SLC13A3: variants seen among roughly 807,000 people sequenced by gnomAD.
SLC13A3 encodes solute carrier family 13 member 3.
SLC13A3 carries 40 observed loss-of-function variants against 59.0 expected under a neutral mutation model. That is an observed-to-expected ratio of 0.68 (90% CI 0.53 to 0.88). The LOEUF (loss-of-function observed/expected upper bound fraction) is 0.88, where lower values mean the gene tolerates loss of function less well. Among genes scored for constraint, SLC13A3 ranks in the 40% least tolerant of loss-of-function variants. The pLI is 0.00. For missense variants in SLC13A3, 699 were observed against 783.2 expected, an observed-to-expected ratio of 0.89 and a Z score of 1.28; for synonymous variants, 317 against 330.3, an observed-to-expected ratio of 0.96 and a Z score of 0.44.
chr20:46,608,739 A>T, intron 3 of SLC13A3: 3 of 999,002 alleles, frequency 3.0e-6, no homozygotes, highest in Non-Finnish European at 4.2e-6. Flanking sequence ...TATTTAATTT[A>T]ATTCATATTT....
At position 46,651,452 on chromosome 20, in the gene SLC13A3, C is replaced by G; in HGVS notation, c.-31G>C. 7.1e-7 allele frequency: 1 copy of G among 1,402,916 alleles called. No homozygotes were observed. The highest frequency in any genetic ancestry group is 1.5e-5 in the African/African-American group (1 of 66,160). 86.9% of individuals were successfully genotyped at this position (1,402,916 alleles called of 1,614,324 possible). A position where few individuals can be genotyped will look rare whatever the true frequency, so the allele number is the denominator to read the frequency against. On this transcript the variant is annotated 5_prime_UTR_variant, in exon 1 of 13. Transcript: ENST00000279027. ...CGATCGCCTGGCGGTACGGGCCGGC[C>G]CGGGACTGCCCCGCCTGGCCCCGGC...
intron 1 of SLC13A3, among the ~76,000 whole-genome samples, chr20:46,661,252 G>C (rs2063027879): frequency 6.6e-6 from 1 of 152,066 alleles, no homozygotes; most frequent in Admixed American, 6.6e-5. Flanking sequence ...CTCCAGAAGG[G>C]GGTACTCCCC....
intron 1 of SLC13A3, among the ~76,000 whole-genome samples, chr20:46,678,886 C>CT (rs1271159673): frequency 2.0e-5 from 3 of 152,172 alleles, no homozygotes; most frequent in Non-Finnish European, 4.4e-5. Context: ...GTGGTAATCT[C>CT]TGAGTGAGCC....
chr20:46,611,343 C>T (rs1258090935), intron 2 of SLC13A3, among the ~76,000 whole-genome samples: 1 of 152,136 alleles, frequency 6.6e-6, no homozygotes, highest in Non-Finnish European at 1.5e-5. Context: ...ACTCATTATT[C>T]AAAGTCAAGC....
chr20:46,634,915 C>T (rs1383135263), intron 1 of SLC13A3, among the ~76,000 whole-genome samples: 2 of 152,196 alleles, frequency 1.3e-5, no homozygotes, highest in African/African-American at 4.8e-5. Context: ...CTCAGGCCCC[C>T]TCTATGTCCC....
At chr20:46,612,123 G>GTT (rs1568936280) in intron 2 of SLC13A3, among the ~76,000 whole-genome samples, 1 of 68,890 alleles carries the variant, frequency 1.5e-5, no homozygotes, top group Non-Finnish European at 2.7e-5. Flanking sequence ...CTCTCTCTTT[G>GTT]CTTTTTTTTT....
intron 1 of SLC13A3, among the ~76,000 whole-genome samples, chr20:46,633,455 C>A (rs542803986): frequency 6.6e-6 from 1 of 152,334 alleles, no homozygotes; most frequent in East Asian, 1.9e-4. Context: ...CTGTCTCCAT[C>A]CGTAATTTCG....
At chr20:46,594,685 A>C (rs1276526290) in intron 5 of SLC13A3, among the ~76,000 whole-genome samples, 7 of 152,112 alleles carry the variant, frequency 4.6e-5, no homozygotes, top group African/African-American at 1.7e-4. Flanking sequence ...TAAGGTTTGC[A>C]GTAAAACTCA....
chr20:46,560,083 T>G lies in SLC13A3; in HGVS notation c.1748A>C (p.Tyr583Ser), dbSNP rs201204730. 30 of 1,613,844 alleles carry G rather than the reference T, an allele frequency of 1.9e-5. No homozygotes were observed. In the South Asian group the frequency reaches 3.1e-4, roughly 17 times the overall value. ...TGGCAATGCTGTGACATTGACCGAG[T>G]ACATATCAGCCCAGTCCGGGAAGGT... The part of the protein sequence containing the change: ...LGTFPDWADM[Y>S]SVNVTALPPT... The change falls in exon 13 of 13, where the codon TAC becomes TCC. Residue 583 changes from tyrosine to serine, a missense_variant. Transcript: ENST00000279027.
At chr20:46,618,938 T>C (rs2062588597) in intron 1 of SLC13A3, among the ~76,000 whole-genome samples, 2 of 152,168 alleles carry the variant, frequency 1.3e-5, no homozygotes, top group Non-Finnish European at 2.9e-5. Context: ...TGCCTTTCAG[T>C]GGGATAACTG....
At chr20:46,630,544 C>A (rs1275415087) in intron 1 of SLC13A3, among the ~76,000 whole-genome samples, 1 of 152,214 alleles carries the variant, frequency 6.6e-6, no homozygotes, top group Non-Finnish European at 1.5e-5. Flanking sequence ...TCTTCATATG[C>A]TGGCGAGGTG....
chr20:46,678,121 T>C (rs539739471), intron 1 of SLC13A3, among the ~76,000 whole-genome samples: 134 of 152,188 alleles, frequency 8.8e-4, no homozygotes, highest in Non-Finnish European at 1.3e-3. Context: ...CCCAGGGAAG[T>C]CTAGAATTTT....
intron 1 of SLC13A3, among the ~76,000 whole-genome samples, chr20:46,643,190 G>A (rs552050931): frequency 2.0e-5 from 3 of 152,136 alleles, no homozygotes; most frequent in South Asian, 4.1e-4. Context: ...ATACCCCATG[G>A]GTGGGAAGGG....
intron 1 of SLC13A3, among the ~76,000 whole-genome samples, chr20:46,682,930 G>A (rs1369129715): frequency 6.6e-6 from 1 of 152,136 alleles, no homozygotes; most frequent in East Asian, 1.9e-4. Context: ...TTTGTGAGAG[G>A]AACTAGGAAA....
intron 1 of SLC13A3, among the ~76,000 whole-genome samples, chr20:46,641,538 A>G (rs544202675): frequency 2.6e-5 from 4 of 152,306 alleles, no homozygotes; most frequent in African/African-American, 7.2e-5. Flanking sequence ...AGGAGGAGGT[A>G]CCATTGGAGC....
intron 2 of SLC13A3, 56 bp downstream of exon 2, chr20:46,613,404 G>C: frequency 6.8e-7 from 1 of 1,477,974 alleles, no homozygotes; most frequent in Non-Finnish European, 9.0e-7. Flanking sequence ...ATAGGCTCCA[G>C]AGGTGTGGTC....
At position 46,633,637 on chromosome 20, in the gene SLC13A3, G is replaced by A. The variant is rs117059971; in HGVS notation, c.111+17674C>T. The stretch of plus-strand genomic sequence containing the variant: ...GCTATCTGAGATAGCTACACATGTT[G>A]AGCCCTTACTACACACCAGACACTG... On this transcript the variant is annotated intron_variant, in intron 1 of 12. Transcript: ENST00000279027. Among the ~76,000 whole-genome samples, 324 of 152,332 alleles carry A rather than the reference G, an allele frequency of 2.1e-3. 2 individuals are homozygous for A. Among genetic ancestry groups the A allele is most frequent in the Non-Finnish European group, 3.7e-3 (252 of 68,036 alleles).
At chr20:46,611,144 A>C (rs1178480925) in intron 2 of SLC13A3, among the ~76,000 whole-genome samples, 1 of 152,220 alleles carries the variant, frequency 6.6e-6, no homozygotes, top group Non-Finnish European at 1.5e-5. Context: ...ACTTAGATGC[A>C]TAGTACAAAG....
At chr20:46,590,928 G>C (rs2062247817) in intron 6 of SLC13A3, among the ~76,000 whole-genome samples, 1 of 151,844 alleles carries the variant, frequency 6.6e-6, no homozygotes, top group South Asian at 2.1e-4. Flanking sequence ...CTGTTTGGGG[G>C]GCCGAGGTGG....
Sources: gnomAD v4.1 joint callset for allele counts (sites outside exome capture counted in the v4.1 genomes callset) on GRCh38, gnomAD v4.1.1 for gene constraint, MANE v1.5 for transcripts, NCBI Gene and HGNC (gene_info 2026-07-23, HGNC 2026-07-21) for gene names.